The following NFATC2 variants were observed in gnomAD, a reference collection of about 807,000 sequenced individuals.
The protein encoded by NFATC2 is nuclear factor of activated T cells 2.
Under a neutral mutation model 87.3 loss-of-function variants are expected in NFATC2, and 22 were observed. The observed-to-expected ratio is 0.25, with a 90% CI of 0.18 to 0.36. The LOEUF (loss-of-function observed/expected upper bound fraction) is 0.36. Among genes scored for constraint, NFATC2 ranks in the 10% least tolerant of loss-of-function variants. The pLI, the probability that NFATC2 is intolerant of heterozygous loss-of-function variation, is 1.00. For missense variants in NFATC2, 1,149 were observed against 1,259.1 expected (o/e 0.91, Z 1.32); for synonymous variants, 565 against 542.2 (o/e 1.04, Z -0.58).
intron 1 of NFATC2, among the ~76,000 whole-genome samples, chr20:51,560,745 G>T (rs546520745): frequency 6.6e-6 from 1 of 152,030 alleles, no homozygotes; most frequent in South Asian, 2.1e-4. Flanking sequence ...ACACACACTG[G>T]TGTGCATACA....
chr20:51,504,523 C>T (rs1450398939), intron 3 of NFATC2, among the ~76,000 whole-genome samples: 3 of 152,234 alleles, frequency 2.0e-5, no homozygotes, highest in African/African-American at 7.2e-5. Flanking sequence ...TTAAAGATTT[C>T]CATTTCTTCA....
intron 3 of NFATC2, among the ~76,000 whole-genome samples, chr20:51,492,982 T>A (rs2075922760): frequency 6.6e-6 from 1 of 152,202 alleles, no homozygotes; most frequent in Non-Finnish European, 1.5e-5. Context: ...TCCAGGAGGA[T>A]GCGATCGTGT....
chr20:51,392,871 C>T (rs934691808), intron 10 of NFATC2, among the ~76,000 whole-genome samples: 2 of 152,178 alleles, frequency 1.3e-5, no homozygotes, highest in Non-Finnish European at 2.9e-5. Context: ...ATAACAGAGT[C>T]GGGGAATGCA....
At position 51,398,828 on chromosome 20, in the gene NFATC2, G is replaced by A. The variant is rs928343971; in HGVS notation, c.2723-98C>T. The stretch of plus-strand genomic sequence containing the variant: ...CTCATGCCGATATCATCCAAGCCCA[G>A]GAGGGAACTTAACCCTTTGGCTCTA... On this transcript the variant is annotated intron_variant, in intron 9 of 10. Coordinates refer to ENST00000371564, the MANE Select transcript of NFATC2 (RefSeq NM_012340.5). The A allele has an allele frequency of 1.6e-5, 13 of 833,152 alleles. No individual in the cohort carries two copies. In the African/African-American group the frequency reaches 1.9e-4, roughly 12 times the overall value. The allele number at this position is 833,152 out of a possible 1,614,324, so 51.6% of individuals were successfully genotyped here. A position where few individuals can be genotyped will look rare whatever the true frequency, so the allele number is the denominator to read the frequency against.
At chr20:51,497,219 C>T (rs1271132637) in intron 3 of NFATC2, among the ~76,000 whole-genome samples, 3 of 152,230 alleles carry the variant, frequency 2.0e-5, no homozygotes, top group Non-Finnish European at 4.4e-5. Flanking sequence ...CCAAGGCAAG[C>T]GCAGCAATGT....
intron 3 of NFATC2, among the ~76,000 whole-genome samples, chr20:51,483,096 C>T (rs941573480): frequency 6.6e-6 from 1 of 152,274 alleles, no homozygotes; most frequent in East Asian, 1.9e-4. Context: ...CCCTTGCGTG[C>T]CCGTTCTGCC....
chr20:51,536,511 AAT>A (rs780356388), intron 1 of NFATC2, among the ~76,000 whole-genome samples: 4 of 152,154 alleles, frequency 2.6e-5, no homozygotes, highest in Admixed American at 2.0e-4. Context: ...ACATTTTTCA[AAT>A]GTATTTAACC....
At chr20:51,558,672 A>G (rs542862074) in intron 1 of NFATC2, among the ~76,000 whole-genome samples, 10 of 152,156 alleles carry the variant, frequency 6.6e-5, no homozygotes, top group Non-Finnish European at 1.0e-4. Context: ...CCTCCCCATA[A>G]TTCAGCAAAT....
chr20:51,435,664 G>T (rs73910848), intron 7 of NFATC2, 42 bp downstream of exon 7: 1 of 1,586,380 alleles, frequency 6.3e-7, no homozygotes. Flanking sequence ...AGAGGGAAAC[G>T]TGAGGGGGAT....
At chr20:51,460,964 C>T (rs973741181) in intron 5 of NFATC2, among the ~76,000 whole-genome samples, 7 of 152,224 alleles carry the variant, frequency 4.6e-5, no homozygotes, top group East Asian at 1.9e-4. Flanking sequence ...ACAATCTTTC[C>T]GGGTGACTTG....
chr20:51,453,476 T>C (rs776090978), intron 6 of NFATC2, among the ~76,000 whole-genome samples: 2 of 152,372 alleles, frequency 1.3e-5, no homozygotes, highest in Non-Finnish European at 2.9e-5. Context: ...ACTGAAATCA[T>C]GTCTGTTAAG....
chr20:51,505,438 T>C (rs2076162662), intron 3 of NFATC2, among the ~76,000 whole-genome samples: 1 of 123,838 alleles, frequency 8.1e-6, no homozygotes. Context: ...ATACACATTG[T>C]ATATATATGT....
chr20:51,487,267 A>G (rs1231864713), intron 3 of NFATC2, among the ~76,000 whole-genome samples: 1 of 152,210 alleles, frequency 6.6e-6, no homozygotes, highest in African/African-American at 2.4e-5. Flanking sequence ...CCAGCATGGC[A>G]GTGTGTGAAT....
chr20:51,396,383 G>A (rs1987147205), intron 10 of NFATC2, among the ~76,000 whole-genome samples: 2 of 152,006 alleles, frequency 1.3e-5, no homozygotes, highest in African/African-American at 2.4e-5. Context: ...AATACTTCAG[G>A]TGCAATTTAA....
intron 3 of NFATC2, among the ~76,000 whole-genome samples, chr20:51,493,629 C>T (rs1290570667): frequency 6.6e-6 from 1 of 152,180 alleles, no homozygotes; most frequent in Admixed American, 6.5e-5. Context: ...CCCTCGAATG[C>T]AGCAGACACT....
At chr20:51,534,045 T>C (rs2076679401) in intron 1 of NFATC2, among the ~76,000 whole-genome samples, 1 of 152,180 alleles carries the variant, frequency 6.6e-6, no homozygotes, top group African/African-American at 2.4e-5. Flanking sequence ...GTCATTCTAA[T>C]AGCTTATGTC....
At chr20:51,423,279 G>A in intron 9 of NFATC2, among the ~76,000 whole-genome samples, 1 of 105,524 alleles carries the variant, frequency 9.5e-6, no homozygotes, top group Admixed American at 1.4e-4. Flanking sequence ...GACAGAGTGA[G>A]AGACCCTCTC....
Position 51,524,524 on chromosome 20 carries a change from C to T in NFATC2, c.131-414G>A, listed in dbSNP as rs534959124. On this transcript the variant is annotated intron_variant, in intron 1 of 10. Transcript: ENST00000371564. This position sits in a 1 kb window ranked among gnomAD's most constrained non-coding sequence, Gnocchi z 4.0. ...CTGCCTGAGTGATTTTGCTTCAACG[C>T]TGGTCACGACCCATTAGACGGATCC... 2.0e-5 allele frequency among the ~76,000 whole-genome samples: 3 copies of T among 152,316 alleles called. No individual in the cohort carries two copies. The highest frequency in any genetic ancestry group is 1.5e-5 in the Non-Finnish European group (1 of 68,022).
At position 51,454,585 on chromosome 20, in the gene NFATC2, T is replaced by C. The variant is rs149798312; in HGVS notation, c.1812A>G (p.Thr604=). 721 of 1,613,942 alleles carry C rather than the reference T, an allele frequency of 4.5e-4. No homozygotes were observed. The highest frequency in any genetic ancestry group is 5.9e-4 in the Non-Finnish European group (694 of 1,180,016). Residue 604 remains threonine, a synonymous_variant, in exon 6 of 11, where the codon ACA becomes ACG. Coordinates refer to ENST00000371564, the MANE Select transcript of NFATC2 (RefSeq NM_012340.5). The stretch of plus-strand genomic sequence containing the variant: ...CAGTAAACACAACTTTGGACTCGGA[T>C]GTAAAGTTCTGCCCCGTGAGGATCA... ...QQMILTGQNF[T]SESKVVFTEK...
Sources: gnomAD v4.1 joint callset for allele counts (sites outside exome capture counted in the v4.1 genomes callset) on GRCh38, gnomAD v4.1.1 for gene constraint, Gnocchi (gnomAD v3.1) non-coding constraint, MANE v1.5 for transcripts, NCBI Gene and HGNC (gene_info 2026-07-23, HGNC 2026-07-21) for gene names.